Variants in ABCA13 observed in about 807,000 individuals in gnomAD.
The protein encoded by ABCA13 is ATP-binding cassette sub-family A member 13.
In ABCA13, 476 loss-of-function variants were observed where a neutral mutation model predicts 478.7. The ratio of observed to expected loss-of-function variants is 0.99; its 90% confidence interval spans 0.92 to 1.07. The LOEUF (loss-of-function observed/expected upper bound fraction) is 1.07, where lower values mean the gene tolerates loss of function less well. Ranked by LOEUF, ABCA13 falls within the 50% of genes least tolerant of loss-of-function variation. ABCA13 has a pLI of 0.00. For missense variants in ABCA13, 6,060 were observed against 5,910.6 expected, an observed-to-expected ratio of 1.03 and a Z score of -0.83; for synonymous variants, 2,252 against 2,158.9, an observed-to-expected ratio of 1.04 and a Z score of -1.20.
At chr7:48,173,172 T>C (rs1457843962) in intron 1 of ABCA13, among the ~76,000 whole-genome samples, 1 of 152,264 alleles carries the variant, frequency 6.6e-6, no homozygotes, top group Admixed American at 6.5e-5. Flanking sequence ...TTTATTTGTT[T>C]GATAACTGTT....
chr7:48,336,103 A>G (rs1327447909), intron 28 of ABCA13, among the ~76,000 whole-genome samples: 2 of 152,310 alleles, frequency 1.3e-5, no homozygotes, highest in South Asian at 2.1e-4. Flanking sequence ...AGTTCAGAGT[A>G]TGGACTCAGG....
In ABCA13 at chr7:48,275,262, C is replaced by T. The variant is rs563705148; in HGVS notation, c.5596C>T (p.Pro1866Ser). 6.8e-6 allele frequency: 11 copies of T among 1,613,822 alleles called. No homozygotes were observed. Among genetic ancestry groups the T allele is most frequent in the East Asian group, 4.5e-5 (2 of 44,850 alleles). ...ASILDHFHLSPQGEDSPCSNE... is the reference protein window; with the variant it reads ...ASILDHFHLSSQGEDSPCSNE... ...TATACTTGATCATTTCCACCTGTCT[C>T]CCCAAGGTGAAGATTCACCATGTTC... Residue 1866 changes from proline to serine, a missense_variant, in exon 17 of 62, where the codon CCC becomes TCC. Pro to Ser is a moderately conservative substitution (Grantham distance 74, BLOSUM62 -1). Coordinates refer to ENST00000435803, the MANE Select transcript of ABCA13 (RefSeq NM_152701.5).
rs1176270408 is a variant in ABCA13, at chr7:48,171,558, T to C, written c.69+6T>C. 1 of 1,536,090 alleles carries C rather than the reference T, an allele frequency of 6.5e-7. No individual in the cohort carries two copies. The highest frequency in any genetic ancestry group is 8.7e-7 in the Non-Finnish European group (1 of 1,146,866). ...TCTGCAGACTCAGGAACCCGGTGAG[T>C]GCTTGCCTTGGTTTTCCATAGGGTT... is the stretch of plus-strand genomic sequence containing the variant. On this transcript the variant is annotated splice_donor_region_variant and intron_variant, in intron 1 of 61. Transcript: ENST00000435803.
intron 59 of ABCA13, among the ~76,000 whole-genome samples, chr7:48,642,601 G>C (rs575822780): frequency 1.3e-5 from 2 of 152,202 alleles, no homozygotes; most frequent in African/African-American, 2.4e-5. Flanking sequence ...TGAGATAAGG[G>C]AGTAGAATAA....
At chr7:48,559,520 C>T (rs1463766652) in intron 55 of ABCA13, among the ~76,000 whole-genome samples, 1 of 152,070 alleles carries the variant, frequency 6.6e-6, no homozygotes, top group Non-Finnish European at 1.5e-5. Flanking sequence ...CATAAGCGCT[C>T]CACCCCACTA....
intron 26 of ABCA13, among the ~76,000 whole-genome samples, chr7:48,315,730 G>A (rs962158046): frequency 1.3e-5 from 2 of 151,922 alleles, no homozygotes; most frequent in Non-Finnish European, 2.9e-5. Context: ...TGCCTGCCTC[G>A]GCCTCCCAAA....
intron 23 of ABCA13, among the ~76,000 whole-genome samples, chr7:48,305,515 C>G (rs1800773842): frequency 6.6e-6 from 1 of 152,206 alleles, no homozygotes; most frequent in African/African-American, 2.4e-5. Context: ...CAGACTCTCT[C>G]TCCCCATCAT....
chr7:48,486,436 G>A (rs1466438276), intron 47 of ABCA13, among the ~76,000 whole-genome samples: 3 of 152,056 alleles, frequency 2.0e-5, no homozygotes, highest in Non-Finnish European at 2.9e-5. Context: ...TGTAATATGC[G>A]TCACCCTTTT....
chr7:48,209,845 C>G (rs533997342), intron 3 of ABCA13, among the ~76,000 whole-genome samples: 2 of 151,976 alleles, frequency 1.3e-5, no homozygotes, highest in African/African-American at 4.8e-5. Flanking sequence ...TCCTTTTTTG[C>G]CTCAAACTTT....
intron 27 of ABCA13, among the ~76,000 whole-genome samples, chr7:48,327,094 G>T (rs1370373814): frequency 6.6e-6 from 1 of 152,146 alleles, no homozygotes; most frequent in African/African-American, 2.4e-5. Context: ...GAACCATCAT[G>T]TTCACTGTAT....
At chr7:48,230,036 T>G (rs929098529) in intron 7 of ABCA13, 81 bp downstream of exon 7, 41 of 1,431,720 alleles carry the variant, frequency 2.9e-5, no homozygotes, top group Non-Finnish European at 3.7e-5. Flanking sequence ...AGAGCTAAAA[T>G]GATGTTCAAA....
At chr7:48,389,275 G>A in intron 37 of ABCA13, 55 bp downstream of exon 37, 2 of 1,547,314 alleles carry the variant, frequency 1.3e-6, no homozygotes, top group Non-Finnish European at 1.8e-6. Context: ...TAAAACTTCA[G>A]TTTACCTGTG....
At position 48,234,233 on chromosome 7, in the gene ABCA13, C is replaced by T. The variant is rs150172749; in HGVS notation, c.897+82C>T. 178 of 1,596,246 alleles carry T rather than the reference C, an allele frequency of 1.1e-4. No individual in the cohort carries two copies. In the African/African-American group the frequency reaches 1.9e-3, roughly 17 times the overall value. On this transcript the variant is annotated intron_variant, in intron 8 of 61. Transcript: ENST00000435803. Reference sequence around the variant, plus strand: ...GAGCATGCTGCTGGGGCAGGGTGAGCGGGTGCCACGGGAGAGGCAGCCAGA... The same window carrying T: ...GAGCATGCTGCTGGGGCAGGGTGAGTGGGTGCCACGGGAGAGGCAGCCAGA...
intron 3 of ABCA13, among the ~76,000 whole-genome samples, chr7:48,208,533 G>C (rs1584201704): frequency 6.6e-6 from 1 of 151,924 alleles, no homozygotes; most frequent in East Asian, 1.9e-4. Context: ...TTTTTGGTTA[G>C]GTTTATTCCT....
intron 29 of ABCA13, among the ~76,000 whole-genome samples, chr7:48,347,616 G>C (rs1005538997): frequency 1.3e-5 from 2 of 152,228 alleles, no homozygotes; most frequent in African/African-American, 4.8e-5. Context: ...CCAGCCCTCT[G>C]TGTTCCCACA....
intron 59 of ABCA13, among the ~76,000 whole-genome samples, chr7:48,621,404 G>T (rs1167776939): frequency 6.6e-6 from 1 of 152,046 alleles, no homozygotes; most frequent in Non-Finnish European, 1.5e-5. Flanking sequence ...ATATGCTCAA[G>T]TATCCATGTG....
intron 15 of ABCA13, 76 bp from the exon 16 acceptor site, chr7:48,268,904 C>A: frequency 5.8e-5 from 24 of 412,372 alleles, no homozygotes; most frequent in East Asian, 2.3e-4. Flanking sequence ...GTGAACTACT[C>A]TAGCATTTTT....
In ABCA13 at chr7:48,275,751, C is replaced by G. The variant is rs765448993; in HGVS notation, c.6085C>G (p.Leu2029Val). Residue 2029 changes from leucine (L) to valine (V), a missense_variant, in exon 17 of 62, where the codon CTC becomes GTC. By Grantham distance (32) the Leu-to-Val change is conservative (BLOSUM62 1). This residue lies in a region of ABCA13 where 4,423 missense variants were observed against 4,309.1 expected (regional missense o/e 1.03). Transcript: ENST00000435803. Reference protein sequence around the residue: ...THNLLSLFMMLQNANVTGSSL... With the variant: ...THNLLSLFMMVQNANVTGSSL... ...TAATCTACTCTCTTTATTCATGATG[C>G]TCCAGAATGCAAATGTCACAGGTAG... 1.2e-6 allele frequency: 2 copies of G among 1,609,226 alleles called. No individual in the cohort carries two copies. The highest frequency in any genetic ancestry group is 8.5e-7 in the Non-Finnish European group (1 of 1,177,338).
intron 25 of ABCA13, among the ~76,000 whole-genome samples, chr7:48,313,803 G>C (rs372975961): frequency 6.6e-6 from 1 of 152,166 alleles, no homozygotes; most frequent in South Asian, 2.1e-4. Flanking sequence ...TCTCAGAACT[G>C]CCTTGGAGAC....
Sources: allele counts gnomAD v4.1 joint callset (sites outside exome capture counted in the v4.1 genomes callset), GRCh38; gene constraint gnomAD v4.1.1; regional missense constraint gnomAD v4.1.1; transcripts MANE v1.5; gene names NCBI Gene and HGNC (gene_info 2026-07-23, HGNC 2026-07-21).